Variants in SWT1 observed in about 807,000 individuals in gnomAD.
SWT1 encodes the protein SWT1 RNA endoribonuclease homolog.
In SWT1, 33 loss-of-function variants were observed where a neutral mutation model predicts 107.3. The ratio of observed to expected loss-of-function variants is 0.31; its 90% CI spans 0.23 to 0.41. SWT1 has a LOEUF of 0.41. Among genes scored for constraint, SWT1 ranks in the 10% least tolerant of loss-of-function variants. The pLI is 1.00. For missense variants in SWT1, 898 were observed against 1,028.9 expected, an observed-to-expected ratio of 0.87 and a Z score of 1.74; for synonymous variants, 345 against 348.3, an observed-to-expected ratio of 0.99 and a Z score of 0.11.
intron 2 of SWT1, among the ~76,000 whole-genome samples, chr1:185,164,716 TTAGGGCCTAGC>T (rs1654433898): frequency 6.6e-6 from 1 of 152,166 alleles, no homozygotes; most frequent in Admixed American, 6.5e-5. Context: ...TTGAAGAGAG[TTAGGGCCTAGC>T]TCTGGATTTG....
intron 18 of SWT1, among the ~76,000 whole-genome samples, chr1:185,278,674 CAT>C (rs1558099286): frequency 1.3e-5 from 2 of 152,198 alleles, no homozygotes; most frequent in African/African-American, 4.8e-5. Flanking sequence ...TGTAACACGA[CAT>C]GTGCATTCGT....
rs1162268077 is a variant in SWT1, at chr1:185,206,761, A to G, written c.1970A>G (p.Lys657Arg). 1.9e-6 allele frequency: 3 copies of G among 1,589,610 alleles called. No individual in the cohort carries two copies. The highest frequency in any genetic ancestry group is 2.6e-6 in the Non-Finnish European group (3 of 1,169,520). ...GAGAGCCTATACAAAAATCTCCGTA[A>G]AGGTATGAATCTTTTATTTTTCTCT... ...TIESLYKNLR[K>R]ANKAVDFTTV... Residue 657 changes from lysine (K) to arginine (R), a missense_variant and splice_region_variant, in exon 13 of 19, where the codon AAA (lysine) becomes AGA (arginine). Physicochemically the swap from Lys to Arg is conservative, Grantham distance 26 (BLOSUM62 2). This residue lies in a region of SWT1 where 382 missense variants were observed against 460.0 expected (regional missense o/e 0.83). Coordinates refer to ENST00000367500, the MANE Select transcript of SWT1 (RefSeq NM_017673.7).
chr1:185,254,632 T>A (rs1196299099), intron 16 of SWT1, among the ~76,000 whole-genome samples: 1 of 152,004 alleles, frequency 6.6e-6, no homozygotes, highest in Admixed American at 6.6e-5. Flanking sequence ...GATATCCCCT[T>A]TATCATTTTT....
rs117501281 is a variant in SWT1 at position 185,229,866 on chromosome 1, C to G, written c.2310-1711C>G. 4.1e-3 allele frequency among the ~76,000 whole-genome samples: 618 copies of G among 151,566 alleles called. 16 individuals are homozygous for G. In the East Asian group the frequency reaches 0.052, roughly 13 times the overall value. On this transcript the variant is annotated intron_variant, in intron 15 of 18. Coordinates refer to ENST00000367500, the MANE Select transcript of SWT1 (RefSeq NM_017673.7). ...ATAGCAAATGCACACACACAAATAC[C>G]CTGAATAGGCAAATCCATAGAGACA...
At chr1:185,179,730 C>T (rs1015434506) in intron 5 of SWT1, among the ~76,000 whole-genome samples, 2 of 152,098 alleles carry the variant, frequency 1.3e-5, no homozygotes, top group Non-Finnish European at 2.9e-5. Flanking sequence ...TAATTTTATT[C>T]TTAGAATATA....
intron 16 of SWT1, among the ~76,000 whole-genome samples, chr1:185,233,725 A>G (rs1660654830): frequency 6.6e-6 from 1 of 151,988 alleles, no homozygotes; most frequent in African/African-American, 2.4e-5. Flanking sequence ...ACTTCGAATT[A>G]TGTGGTCAAT....
At chr1:185,238,882 T>C (rs1661075207) in intron 16 of SWT1, among the ~76,000 whole-genome samples, 1 of 152,076 alleles carries the variant, frequency 6.6e-6, no homozygotes, top group African/African-American at 2.4e-5. Context: ...AAATATTGTT[T>C]TAAAATTTTA....
At chr1:185,235,053 A>T (rs1660767371) in intron 16 of SWT1, among the ~76,000 whole-genome samples, 1 of 152,194 alleles carries the variant, frequency 6.6e-6, no homozygotes, top group Admixed American at 6.5e-5. Flanking sequence ...CAAGTTCTGA[A>T]ATTGAGGCAG....
intron 18 of SWT1, chr1:185,281,060 T>A (rs1664588629): frequency 7.6e-6 from 2 of 264,070 alleles, no homozygotes; most frequent in Non-Finnish European, 7.6e-6. Context: ...AAAGATGATC[T>A]GATTTTTAGA....
At chr1:185,212,160 A>G (rs1571517484) in intron 13 of SWT1, among the ~76,000 whole-genome samples, 1 of 152,302 alleles carries the variant, frequency 6.6e-6, no homozygotes, top group East Asian at 1.9e-4. Context: ...TACATATGTA[A>G]CAAACCTGCA....
chr1:185,248,185 T>A (rs1020660047), intron 16 of SWT1, among the ~76,000 whole-genome samples: 1 of 152,232 alleles, frequency 6.6e-6, no homozygotes, highest in African/African-American at 2.4e-5. Flanking sequence ...AGAGGGTATC[T>A]GTAGTTCAGT....
chr1:185,184,662 A>G, intron 8 of SWT1, 81 bp from the exon 9 acceptor site: 1 of 1,051,926 alleles, frequency 9.5e-7, no homozygotes, highest in Non-Finnish European at 1.4e-6. Context: ...GTGCTTTAAA[A>G]CTTTTACCTC....
intron 15 of SWT1, among the ~76,000 whole-genome samples, chr1:185,225,848 A>G (rs958786455): frequency 6.6e-6 from 1 of 152,220 alleles, no homozygotes; most frequent in African/African-American, 2.4e-5. Flanking sequence ...TTAAAAGAAG[A>G]TAAATACTTT....
chr1:185,176,645 AC>A, intron 5 of SWT1: 1 of 985,402 alleles, frequency 1.0e-6, no homozygotes, highest in Non-Finnish European at 1.2e-6. Flanking sequence ...TGTAGAGACC[AC>A]TGATAAACAG....
intron 18 of SWT1, among the ~76,000 whole-genome samples, chr1:185,282,083 G>A (rs1664660637): frequency 6.6e-6 from 1 of 152,100 alleles, no homozygotes; most frequent in Admixed American, 6.5e-5. Context: ...ATTAAGAGAA[G>A]TCAACATAAC....
intron 7 of SWT1, 109 bp downstream of exon 7, chr1:185,182,166 TTGAAA>T (rs1202451638): frequency 5.3e-5 from 58 of 1,084,454 alleles, no homozygotes; most frequent in Middle Eastern, 2.7e-4. Flanking sequence ...ATGTGCTCAC[TTGAAA>T]TGAATGATAA....
At chr1:185,229,108 G>T (rs1396286660) in intron 15 of SWT1, among the ~76,000 whole-genome samples, 1 of 152,134 alleles carries the variant, frequency 6.6e-6, no homozygotes, top group Non-Finnish European at 1.5e-5. Context: ...AAAAAAGATT[G>T]CTTTGCCTTG....
intron 16 of SWT1, among the ~76,000 whole-genome samples, chr1:185,265,248 C>T (rs1041753048): frequency 1.3e-5 from 2 of 152,034 alleles, no homozygotes; most frequent in African/African-American, 2.4e-5. Context: ...ATTAATTTTG[C>T]TTAAATTGTT....
chr1:185,223,663 T>C (rs1009504357), intron 15 of SWT1, among the ~76,000 whole-genome samples: 2 of 152,346 alleles, frequency 1.3e-5, no homozygotes, highest in South Asian at 2.1e-4. Flanking sequence ...TTTTAAACTT[T>C]AAGTTCAGGG....
Sources: allele counts gnomAD v4.1 joint callset (sites outside exome capture counted in the v4.1 genomes callset), GRCh38; gene constraint gnomAD v4.1.1; regional missense constraint gnomAD v4.1.1; transcripts MANE v1.5; gene names NCBI Gene and HGNC (gene_info 2026-07-23, HGNC 2026-07-21).